The following TEX11 variants were observed in gnomAD, a reference collection of about 807,000 sequenced individuals.
TEX11 encodes the protein testis-expressed protein 11.
A neutral mutation model predicts 84.4 loss-of-function variants in TEX11; 7 were observed. That is an observed-to-expected ratio of 0.08 (90% CI 0.05 to 0.16). TEX11 has a LOEUF of 0.16. Among genes scored for constraint, TEX11 ranks in the 10% least tolerant of loss-of-function variants. TEX11 has a pLI of 1.00. For synonymous variants in TEX11, 264 were observed against 222.8 expected (o/e 1.18, Z -1.64); for missense variants, 551 against 660.5 (o/e 0.83, Z 1.82).
chrX:70,812,855 G>C (rs1013539676), intron 8 of TEX11, among the ~76,000 whole-genome samples: 3 of 111,369 alleles, frequency 2.7e-5, no homozygotes, highest in Non-Finnish European at 5.7e-5. Context: ...AGAAGAAATG[G>C]ATAAATTCCT....
intron 9 of TEX11, among the ~76,000 whole-genome samples, chrX:70,775,881 A>T (rs2147781122): frequency 9.2e-6 from 1 of 108,961 alleles, no homozygotes; most frequent in African/African-American, 3.3e-5. Context: ...AATGCAAATC[A>T]AAACCACAAT....
At chrX:70,881,267 T>G (rs2091681907) in intron 2 of TEX11, among the ~76,000 whole-genome samples, 1 of 105,379 alleles carries the variant, frequency 9.5e-6, no homozygotes, top group Non-Finnish European at 1.9e-5. Flanking sequence ...GTTGAGGTTG[T>G]ACTTAGCTCA....
At chrX:70,576,541 C>G (rs2088676132) in intron 25 of TEX11, among the ~76,000 whole-genome samples, 1 of 112,601 alleles carries the variant, frequency 8.9e-6, no homozygotes, top group Non-Finnish European at 1.9e-5. Context: ...CACACTAATA[C>G]TTGTTCCAAG....
At chrX:70,712,548 A>C (rs2090447417) in intron 13 of TEX11, among the ~76,000 whole-genome samples, 1 of 111,168 alleles carries the variant, frequency 9.0e-6, no homozygotes, top group African/African-American at 3.3e-5. Flanking sequence ...TTCTCTTTGA[A>C]GCAACTGTGA....
chrX:70,524,297 A>C (rs2087803111), downstream of TEX11, among the ~76,000 whole-genome samples: 1 of 112,252 alleles, frequency 8.9e-6, no homozygotes, highest in African/African-American at 3.2e-5. Flanking sequence ...ATTAGCAGGA[A>C]GTGTTCAGGA....
chrX:70,630,299 G>A (rs1241264508), intron 17 of TEX11, among the ~76,000 whole-genome samples: 38 of 89,138 alleles, frequency 4.3e-4, no homozygotes, highest in African/African-American at 1.6e-3. Flanking sequence ...GTGACAGAGC[G>A]AAACTCTGTC....
intron 28 of TEX11, among the ~76,000 whole-genome samples, chrX:70,545,927 C>T (rs1233185270): frequency 3.6e-5 from 4 of 112,050 alleles, no homozygotes; most frequent in African/African-American, 1.3e-4. Flanking sequence ...GAGTCAAGAG[C>T]AGTCAGGATC....
At chrX:70,575,663 T>A (rs1335008610) in intron 25 of TEX11, among the ~76,000 whole-genome samples, 8 of 111,003 alleles carry the variant, frequency 7.2e-5, no homozygotes, top group Admixed American at 4.8e-4. Flanking sequence ...GAAAAAAAAA[T>A]TTTTCTCTTT....
intron 13 of TEX11, among the ~76,000 whole-genome samples, chrX:70,710,132 A>AG (rs1003820300): frequency 1.8e-5 from 2 of 111,303 alleles, no homozygotes; most frequent in East Asian, 2.8e-4. Context: ...TCAAAAAAAA[A>AG]GGGGGGCCTG....
At chrX:70,737,574 A>G (rs2090705067) in intron 11 of TEX11, among the ~76,000 whole-genome samples, 1 of 111,162 alleles carries the variant, frequency 9.0e-6, no homozygotes, top group Non-Finnish European at 1.9e-5. Context: ...TCCAAAACTT[A>G]TTCAGAAAAG....
At chrX:70,880,212 C>T (rs1336175234) in intron 2 of TEX11, 103 bp from the exon 3 acceptor site, 6 of 537,255 alleles carry the variant, frequency 1.1e-5, no homozygotes, top group Middle Eastern at 1.0e-3. Context: ...CAAATGAATA[C>T]AGCATGAAGG....
At chrX:70,713,476 A>T (rs1402474791) in intron 13 of TEX11, among the ~76,000 whole-genome samples, 8 of 111,608 alleles carry the variant, frequency 7.2e-5, no homozygotes, top group Admixed American at 2.9e-4. Flanking sequence ...AGAGCCTGTT[A>T]TTGGTCTATT....
intron 4 of TEX11, among the ~76,000 whole-genome samples, chrX:70,862,406 A>G (rs1374516323): frequency 8.9e-6 from 1 of 111,733 alleles, no homozygotes; most frequent in Admixed American, 9.6e-5. Context: ...CACCACTTCT[A>G]ATTAATAGTC....
chrX:70,612,559 A>G (rs1315636795), intron 20 of TEX11, among the ~76,000 whole-genome samples: 4 of 55,888 alleles, frequency 7.2e-5, no homozygotes, highest in Non-Finnish European at 1.3e-4. Context: ...TTATTAGTAG[A>G]TTGAACAAAG....
At chrX:70,719,577 A>G (rs1432385664) in intron 13 of TEX11, among the ~76,000 whole-genome samples, 1 of 112,104 alleles carries the variant, frequency 8.9e-6, no homozygotes, top group Non-Finnish European at 1.9e-5. Flanking sequence ...ATCAGAGTGA[A>G]CAGGCAACCT....
At chrX:70,688,624 G>A (rs1222750472) in intron 13 of TEX11, among the ~76,000 whole-genome samples, 1 of 109,785 alleles carries the variant, frequency 9.1e-6, no homozygotes, top group Non-Finnish European at 1.9e-5. Flanking sequence ...GAAGAGATGA[G>A]GCACAGAGGA....
rs142322692 is a variant in TEX11 at position 70,880,318 on chromosome X, T to C, written c.38-209A>G. Among the ~76,000 whole-genome samples the C allele has an allele frequency of 2.2e-3, 251 of 112,440 alleles. 1 individual carries two copies. Among genetic ancestry groups the C allele is most frequent in the African/African-American group, 7.9e-3 (244 of 31,032 alleles). On this transcript the variant is annotated intron_variant, in intron 2 of 29. Transcript: ENST00000374333. The stretch of plus-strand genomic sequence containing the variant: ...AAAATTTGCATTCTTTGGGAGTCAC[T>C]TGTTTATAACTTAATCATTACTCAT...
At position 70,594,391 on chromosome X, in the gene TEX11, G is replaced by C. The variant is rs1409912322; in HGVS notation, c.2068-2568C>G. On this transcript the variant is annotated intron_variant, in intron 24 of 29. Transcript: ENST00000374333. ...AATGCCAGGCAGTAATTTGAATCCA[G>C]ATGAAAAAACAAAGAGCACTGGTAG... Among the ~76,000 whole-genome samples, 8 of 110,644 alleles carry C rather than the reference G, an allele frequency of 7.2e-5. No homozygotes were observed. The Admixed American group carries it at 7.8e-4, about 11-fold the overall frequency.
chrX:70,838,933 G>A lies in TEX11; in HGVS notation c.526-5340C>T, dbSNP rs192018995. Among the ~76,000 whole-genome samples the A allele has an allele frequency of 8.9e-5, 10 of 112,287 alleles. No individual in the cohort carries two copies. The East Asian group carries it at 2.2e-3, about 25-fold the overall frequency. ...AAACTGCAAGGTGGCAGCGAGGCTC[G>A]GGGAGGGGCACCCACCATTGCTGAG... On this transcript the variant is annotated intron_variant, in intron 7 of 29. Transcript: ENST00000374333.
Sources: allele counts gnomAD v4.1 joint callset (sites outside exome capture counted in the v4.1 genomes callset), GRCh38; gene constraint gnomAD v4.1.1; transcripts MANE v1.5; gene names NCBI Gene and HGNC (gene_info 2026-07-23, HGNC 2026-07-21).